NRG3: variants seen among roughly 807,000 people sequenced by gnomAD.
NRG3 encodes the protein neuregulin 3, also known as pro-neuregulin-3, membrane-bound isoform.
A neutral mutation model predicts 66.9 loss-of-function variants in NRG3; 31 were observed. That is an observed-to-expected ratio of 0.46 (90% CI 0.35 to 0.63). NRG3 has a LOEUF of 0.63. Ranked by LOEUF, NRG3 falls within the 20% of genes least tolerant of loss-of-function variation. The pLI, the probability that NRG3 is intolerant of heterozygous loss-of-function variation, is 0.00. For missense variants in NRG3, 910 were observed against 878.9 expected, an observed-to-expected ratio of 1.04 and a Z score of -0.45; for synonymous variants, 393 against 359.4, an observed-to-expected ratio of 1.09 and a Z score of -1.06.
intron 8 of NRG3, chr10:82,984,657 G>C (rs1411139712): frequency 5.2e-5 from 48 of 925,966 alleles, no homozygotes; most frequent in Non-Finnish European, 7.9e-5. Flanking sequence ...CAAGTCTACT[G>C]GACTAACCCA....
At chr10:82,414,977 T>C (rs2088428979) in intron 2 of NRG3, among the ~76,000 whole-genome samples, 1 of 152,206 alleles carries the variant, frequency 6.6e-6, no homozygotes, top group South Asian at 2.1e-4. Context: ...TAATCTCTTT[T>C]ATTTAAATCA....
chr10:81,924,811 A>C (rs1389026378), intron 1 of NRG3, among the ~76,000 whole-genome samples: 1 of 151,848 alleles, frequency 6.6e-6, no homozygotes, highest in Non-Finnish European at 1.5e-5. Context: ...AACAATGTGT[A>C]CAGTTACTGT....
chr10:82,326,790 C>T (rs2081895518), intron 1 of NRG3, among the ~76,000 whole-genome samples: 1 of 152,144 alleles, frequency 6.6e-6, no homozygotes, highest in Admixed American at 6.5e-5. Context: ...GTCCATGATA[C>T]TACATTTTGG....
At chr10:82,815,796 G>A (rs2061680347) in intron 3 of NRG3, among the ~76,000 whole-genome samples, 1 of 152,114 alleles carries the variant, frequency 6.6e-6, no homozygotes, top group African/African-American at 2.4e-5. Flanking sequence ...TACTGGCCTG[G>A]ATCCCACACC....
intron 5 of NRG3, among the ~76,000 whole-genome samples, chr10:82,954,285 C>T (rs936245813): frequency 3.3e-5 from 5 of 151,940 alleles, no homozygotes; most frequent in African/African-American, 7.3e-5. Context: ...AAATGAAAGA[C>T]AGATCATGGT....
chr10:82,744,691 G>T (rs938138453), intron 3 of NRG3, among the ~76,000 whole-genome samples: 2 of 152,088 alleles, frequency 1.3e-5, no homozygotes, highest in Non-Finnish European at 2.9e-5. Context: ...ATATTGAAAT[G>T]TTTTCTTCCT....
intron 1 of NRG3, among the ~76,000 whole-genome samples, chr10:82,298,819 CTGCCTTT>C (rs1381686811): frequency 6.6e-6 from 1 of 152,134 alleles, no homozygotes; most frequent in Non-Finnish European, 1.5e-5. Context: ...AAAGAAAAAT[CTGCCTTT>C]ACTCCAGTTT....
rs192880764 is a variant in NRG3, at chr10:82,243,927, A to G, written c.824-114812A>G. On this transcript the variant is annotated intron_variant, in intron 1 of 8. Transcript: ENST00000372141. Reference sequence around the variant, plus strand: ...ATTTAATAGGAGAAATTTCTGCTTGAGGTGAAGATCTGTCTGGAAATTTTT... The same window carrying G: ...ATTTAATAGGAGAAATTTCTGCTTGGGGTGAAGATCTGTCTGGAAATTTTT... Among the ~76,000 whole-genome samples the G allele has an allele frequency of 3.1e-3, 478 of 152,302 alleles. 2 individuals are homozygous for G. Among genetic ancestry groups the G allele is most frequent in the African/African-American group, 0.011 (451 of 41,550 alleles).
rs541573096 is a variant in NRG3, at chr10:82,721,904, G to A, written c.954-16673G>A. 6.6e-5 allele frequency among the ~76,000 whole-genome samples: 10 copies of A among 150,782 alleles called. No individual in the cohort carries two copies. The South Asian group carries it at 1.9e-3, about 29-fold the overall frequency. On this transcript the variant is annotated intron_variant, in intron 2 of 8. Coordinates refer to ENST00000372141, the MANE Select transcript of NRG3 (RefSeq NM_001010848.4). ...ATTATGCAATCTTGCCCAAGCTAGT[G>A]ACTTTGATATTGCCACCTCTTTTTG...
intron 3 of NRG3, among the ~76,000 whole-genome samples, chr10:82,831,862 A>G (rs1338495369): frequency 6.6e-6 from 1 of 152,162 alleles, no homozygotes; most frequent in Admixed American, 6.6e-5. Context: ...TGCAACAGGT[A>G]CTGGAGTCAG....
At chr10:82,757,005 A>G (rs991359101) in intron 3 of NRG3, among the ~76,000 whole-genome samples, 1 of 152,068 alleles carries the variant, frequency 6.6e-6, no homozygotes, top group African/African-American at 2.4e-5. Flanking sequence ...ATAACAGTCC[A>G]AACTATTCCA....
At chr10:81,940,041 A>C (rs1848270507) in intron 1 of NRG3, among the ~76,000 whole-genome samples, 1 of 152,076 alleles carries the variant, frequency 6.6e-6, no homozygotes, top group South Asian at 2.1e-4. Flanking sequence ...TCATTGTTCA[A>C]GAATGTATTA....
chr10:82,261,146 A>C (rs1449631318), intron 1 of NRG3, among the ~76,000 whole-genome samples: 2 of 152,108 alleles, frequency 1.3e-5, no homozygotes, highest in Non-Finnish European at 2.9e-5. Context: ...AATCCTCATA[A>C]TCCCCACATG....
chr10:82,326,266 C>T (rs754972624), intron 1 of NRG3, among the ~76,000 whole-genome samples: 2 of 152,082 alleles, frequency 1.3e-5, no homozygotes, highest in Non-Finnish European at 2.9e-5. Flanking sequence ...CTACTGTTAT[C>T]ATTACCTTTG....
intron 1 of NRG3, among the ~76,000 whole-genome samples, chr10:81,944,112 C>T (rs1195834663): frequency 2.0e-5 from 3 of 152,212 alleles, no homozygotes; most frequent in African/African-American, 7.2e-5. Context: ...ACGCCTGTGA[C>T]ATCTACCTGT....
At chr10:82,487,469 C>T (rs962897103) in intron 2 of NRG3, among the ~76,000 whole-genome samples, 1 of 151,978 alleles carries the variant, frequency 6.6e-6, no homozygotes, top group Non-Finnish European at 1.5e-5. Context: ...GCTTTGTAAC[C>T]CTGAGTGGAG....
intron 1 of NRG3, among the ~76,000 whole-genome samples, chr10:82,156,374 C>T (rs1339360062): frequency 2.6e-5 from 4 of 151,406 alleles, no homozygotes; most frequent in African/African-American, 9.7e-5. Flanking sequence ...AACATGATCC[C>T]CCAGGCCTCA....
chr10:82,087,543 C>G (rs970426709), intron 1 of NRG3, among the ~76,000 whole-genome samples: 11 of 152,068 alleles, frequency 7.2e-5, no homozygotes, highest in Non-Finnish European at 1.2e-4. Context: ...GACTCAGCAC[C>G]ATGTGTGTTT....
At chr10:82,520,765 C>T (rs185631430) in intron 2 of NRG3, among the ~76,000 whole-genome samples, 12 of 152,294 alleles carry the variant, frequency 7.9e-5, no homozygotes, top group Non-Finnish European at 1.0e-4. Context: ...CTTTGGGTTA[C>T]AATGAAATAT....
Sources: allele counts gnomAD v4.1 joint callset (sites outside exome capture counted in the v4.1 genomes callset), GRCh38; gene constraint gnomAD v4.1.1; transcripts MANE v1.5; gene names NCBI Gene and HGNC (gene_info 2026-07-23, HGNC 2026-07-21).